The following USP14 variants were observed in gnomAD, a reference collection of about 807,000 sequenced individuals.
USP14 encodes ubiquitin carboxyl-terminal hydrolase 14.
A neutral mutation model predicts 76.5 loss-of-function variants in USP14; 38 were observed. The observed-to-expected ratio is 0.50, with a 90% CI of 0.38 to 0.65. The LOEUF is 0.65. USP14 is among the 30% of genes least tolerant of loss of function. The probability of loss-of-function intolerance (pLI) is 0.00; values close to 1 mark genes in which losing one functional copy is unlikely to be tolerated. For synonymous variants in USP14, 192 were observed against 191.7 expected, an observed-to-expected ratio of 1.00 and a Z score of -0.01; for missense variants, 467 against 586.5, an observed-to-expected ratio of 0.80 and a Z score of 2.10.
rs1910417729 is a variant in USP14 at position 202,796 on chromosome 18, T to C, written c.877-84T>C. 3.6e-6 allele frequency: 5 copies of C among 1,398,096 alleles called. No homozygotes were observed. In the East Asian group the frequency reaches 1.2e-4, roughly 33 times the overall value. 86.6% of individuals were successfully genotyped at this position (1,398,096 alleles called of 1,614,324 possible). ...TTGCCTCTTAGGTAGTGCTAGTTTT[T>C]AAAAGGCTTACTGGTGTGATTCTAT... On this transcript the variant is annotated intron_variant, in intron 10 of 15. Coordinates refer to ENST00000261601, the MANE Select transcript of USP14 (RefSeq NM_005151.4).
chr18:199,594 AC>A (rs1384884713), intron 10 of USP14, among the ~76,000 whole-genome samples: 6 of 151,764 alleles, frequency 4.0e-5, no homozygotes, highest in Non-Finnish European at 8.8e-5. Flanking sequence ...GTTTAAGATG[AC>A]CCCCCAAGCA....
intron 9 of USP14, among the ~76,000 whole-genome samples, chr18:198,631 T>G (rs976648417): frequency 4.6e-5 from 7 of 152,188 alleles, no homozygotes; most frequent in Non-Finnish European, 7.3e-5. Context: ...TTTTGATTAA[T>G]ATAATTATTT....
Position 211,187 on chromosome 18 carries a change from T to C in USP14, c.1388T>C (p.Ile463Thr), listed in dbSNP as rs1471285054. Residue 463 changes from isoleucine to threonine, a missense_variant, in exon 16 of 16, where the codon ATC becomes ACC. Coordinates refer to ENST00000261601, the MANE Select transcript of USP14 (RefSeq NM_005151.4). ...DKVSIVTPEDILRLSGGGDWH... is the reference protein window; with the variant it reads ...DKVSIVTPEDTLRLSGGGDWH... The stretch of plus-strand genomic sequence containing the variant: ...GTCAGCATCGTAACACCAGAAGATA[T>C]CTTACGGCTTTCTGGTGGTGGAGAC... The C allele has an allele frequency of 1.9e-6, 3 of 1,613,962 alleles. No individual in the cohort carries two copies. Among genetic ancestry groups the C allele is most frequent in the East Asian group, 2.2e-5 (1 of 44,898 alleles).
In USP14 at chr18:211,391, C is replaced by T. The variant is rs1310847773; in HGVS notation, c.*107C>T. ...GACACATAGGTGGGTTTATGTTTCA[C>T]CTCATTTGGAACAAAAGAGGACAGA... On this transcript the variant is annotated 3_prime_UTR_variant, in exon 16 of 16. Transcript: ENST00000261601. The T allele has an allele frequency of 8.1e-7, 1 of 1,237,828 alleles. No homozygotes were observed. The highest frequency in any genetic ancestry group is 1.5e-5 in the African/African-American group (1 of 65,688). The allele number at this position is 1,237,828 out of a possible 1,614,324, so 76.7% of individuals were successfully genotyped here. A position where few individuals can be genotyped will look rare whatever the true frequency, so the allele number is the denominator to read the frequency against.
At chr18:185,228 C>G (rs1909896016) in intron 5 of USP14, among the ~76,000 whole-genome samples, 1 of 152,042 alleles carries the variant, frequency 6.6e-6, no homozygotes, top group Non-Finnish European at 1.5e-5. Flanking sequence ...GGTGCGATCT[C>G]AGCTCACTGC....
chr18:194,487 T>A (rs1910176966), intron 6 of USP14, among the ~76,000 whole-genome samples: 2 of 152,232 alleles, frequency 1.3e-5, no homozygotes, highest in Non-Finnish European at 2.9e-5. Context: ...CACCAGTTAC[T>A]AACTTTTAGT....
intron 13 of USP14, among the ~76,000 whole-genome samples, chr18:209,051 G>A (rs1910602401): frequency 6.6e-6 from 1 of 151,958 alleles, no homozygotes; most frequent in South Asian, 2.1e-4. Context: ...TGTGATTTAG[G>A]TATAGACTAT....
intron 1 of USP14, among the ~76,000 whole-genome samples, chr18:161,940 A>G (rs1403708453): frequency 6.6e-6 from 1 of 152,196 alleles, no homozygotes; most frequent in Non-Finnish European, 1.5e-5. Flanking sequence ...AAATATATTC[A>G]CAGTGTTTTG....
At chr18:210,305 T>C (rs1300423418) in intron 14 of USP14, 81 bp from the exon 15 acceptor site, 2 of 1,041,382 alleles carry the variant, frequency 1.9e-6, no homozygotes, top group African/African-American at 3.2e-5. Context: ...ATGTGAACTT[T>C]AGAGTTATTC....
Position 198,086 on chromosome 18 carries a change from A to G in USP14, c.715A>G (p.Lys239Glu). The part of the protein sequence containing the change: ...SSASAATPSK[K>E]KSLIDQFFGV... The stretch of plus-strand genomic sequence containing the variant: ...TGCATCGGCAGCGACACCTTCTAAA[A>G]AGAAAAGTTTAATCGATCAGTTCTT... Residue 239 changes from lysine (K) to glutamate (E), a missense_variant, in exon 9 of 16, where the codon AAG (lysine) becomes GAG (glutamate). By Grantham distance (56) the Lys-to-Glu change is moderately conservative. Coordinates refer to ENST00000261601, the MANE Select transcript of USP14 (RefSeq NM_005151.4). 1 of 1,610,948 alleles carries G rather than the reference A, an allele frequency of 6.2e-7. No individual in the cohort carries two copies. The highest frequency in any genetic ancestry group is 8.5e-7 in the Non-Finnish European group (1 of 1,177,908).
At position 193,004 on chromosome 18, in the gene USP14, A is replaced by G. The variant is rs1598274959; in HGVS notation, c.463+104A>G. 5 of 891,248 alleles carry G rather than the reference A, an allele frequency of 5.6e-6. No individual in the cohort carries two copies. The East Asian group carries it at 1.1e-4, about 20-fold the overall frequency. The allele number at this position is 891,248 out of a possible 1,614,324, so 55.2% of individuals were successfully genotyped here. A position where few individuals can be genotyped will look rare whatever the true frequency, so the allele number is the denominator to read the frequency against. On this transcript the variant is annotated intron_variant, in intron 6 of 15. Transcript: ENST00000261601. ...AATGTCTTTTGTAAAACATCACCTC[A>G]TTAAGCCTGGAGTGTACATTATACT...
intron 3 of USP14, among the ~76,000 whole-genome samples, chr18:171,391 A>C (rs1460488595): frequency 2.0e-5 from 3 of 152,118 alleles, no homozygotes; most frequent in Non-Finnish European, 2.9e-5. Flanking sequence ...ACCATTCCAA[A>C]AACCATGGAT....
At chr18:169,210 G>A (rs533354267) in intron 3 of USP14, among the ~76,000 whole-genome samples, 166 of 151,948 alleles carry the variant, frequency 1.1e-3, no homozygotes, top group Middle Eastern at 6.8e-3. Context: ...GGCCAACATG[G>A]TGAAACCCCG....
intron 5 of USP14, among the ~76,000 whole-genome samples, chr18:189,282 T>G (rs939942757): frequency 6.6e-6 from 1 of 152,164 alleles, no homozygotes; most frequent in Non-Finnish European, 1.5e-5. Flanking sequence ...CTTATTTCTG[T>G]TTACCTTAGG....
chr18:196,698 A>C lies in USP14; in HGVS notation c.525A>C (p.Leu175=), dbSNP rs759892412. The C allele has an allele frequency of 2.5e-6, 4 of 1,613,892 alleles. No individual in the cohort carries two copies. Residue 175 remains leucine, a synonymous_variant, in exon 7 of 16, where the codon CTA becomes CTC. Coordinates refer to ENST00000261601, the MANE Select transcript of USP14 (RefSeq NM_005151.4). ...CTTCCAGTATTCCACCTATTATTCT[A>C]CTGCAGTTTTTGCACATGGCTTTCC... ...KTSSSIPPII[L]LQFLHMAFPQ... is the part of the protein sequence containing the mutation.
intron 15 of USP14, among the ~76,000 whole-genome samples, chr18:210,725 A>T (rs1910647567): frequency 6.6e-6 from 1 of 152,260 alleles, no homozygotes; most frequent in South Asian, 2.1e-4. Context: ...AGCCCATTAC[A>T]TATTAATGTA....
chr18:195,094 T>C (rs1366612233), intron 6 of USP14, among the ~76,000 whole-genome samples: 1 of 152,134 alleles, frequency 6.6e-6, no homozygotes, highest in Non-Finnish European at 1.5e-5. Context: ...TTAGTTGTTA[T>C]ATCTTATTAG....
intron 5 of USP14, among the ~76,000 whole-genome samples, chr18:188,881 G>A (rs759008229): frequency 8.5e-5 from 13 of 152,134 alleles, no homozygotes; most frequent in Non-Finnish European, 1.3e-4. Flanking sequence ...GTTTCACCAT[G>A]TTGGCCAGGA....
intron 2 of USP14, among the ~76,000 whole-genome samples, chr18:166,156 A>G (rs1292088010): frequency 2.0e-5 from 3 of 152,152 alleles, no homozygotes; most frequent in African/African-American, 4.8e-5. Flanking sequence ...AATAGGATCT[A>G]TCATTTGTCA....
Sources: gnomAD v4.1 joint callset for allele counts (sites outside exome capture counted in the v4.1 genomes callset) on GRCh38, gnomAD v4.1.1 for gene constraint, MANE v1.5 for transcripts, NCBI Gene and HGNC (gene_info 2026-07-23, HGNC 2026-07-21) for gene names.